Variants in ATRNL1 observed in about 807,000 individuals in gnomAD.
ATRNL1 encodes the protein attractin like 1.
A neutral mutation model predicts 182.7 loss-of-function variants in ATRNL1; 95 were observed. That is an observed-to-expected ratio of 0.52 (90% confidence interval 0.44 to 0.62). ATRNL1 has a LOEUF of 0.62. Ranked by LOEUF, ATRNL1 falls within the 20% of genes least tolerant of loss-of-function variation. ATRNL1 has a pLI of 0.00. For missense variants in ATRNL1, 1,471 were observed against 1,679.5 expected, an observed-to-expected ratio of 0.88 and a Z score of 2.17; for synonymous variants, 576 against 568.3, an observed-to-expected ratio of 1.01 and a Z score of -0.19.
intron 9 of ATRNL1, among the ~76,000 whole-genome samples, chr10:115,216,905 TGTA>T (rs1240063283): frequency 6.6e-6 from 1 of 151,966 alleles, no homozygotes; most frequent in Non-Finnish European, 1.5e-5. Flanking sequence ...TCTAATAAAA[TGTA>T]GTTTTATTCT....
intron 28 of ATRNL1, among the ~76,000 whole-genome samples, chr10:115,856,199 C>A (rs1390900739): frequency 2.0e-5 from 3 of 151,846 alleles, no homozygotes; most frequent in Admixed American, 6.6e-5. Context: ...GAGGCCGAGG[C>A]AGGTGGATCA....
intron 28 of ATRNL1, among the ~76,000 whole-genome samples, chr10:115,943,803 TAAAC>T (rs1953799857): frequency 6.6e-6 from 1 of 152,040 alleles, no homozygotes; most frequent in Non-Finnish European, 1.5e-5. Flanking sequence ...AGTGAATGCG[TAAAC>T]AAACTATGGC....
intron 19 of ATRNL1, among the ~76,000 whole-genome samples, chr10:115,366,089 C>T (rs1193899142): frequency 7.9e-5 from 12 of 151,772 alleles, no homozygotes; most frequent in Non-Finnish European, 1.6e-4. Context: ...CTTTCTGTCT[C>T]GTTGATCTGT....
chr10:115,308,956 T>C (rs2133996621), intron 17 of ATRNL1, among the ~76,000 whole-genome samples: 1 of 152,254 alleles, frequency 6.6e-6, no homozygotes, highest in East Asian at 1.9e-4. Context: ...TAGATTCAGT[T>C]TCATTCTTCT....
chr10:115,349,804 T>A (rs1466100888), intron 19 of ATRNL1, among the ~76,000 whole-genome samples: 2 of 152,176 alleles, frequency 1.3e-5, no homozygotes, highest in Non-Finnish European at 2.9e-5. Context: ...GTATTATTAT[T>A]ATTATTTTGC....
At chr10:115,757,889 T>C (rs1948632099) in intron 27 of ATRNL1, among the ~76,000 whole-genome samples, 1 of 151,820 alleles carries the variant, frequency 6.6e-6, no homozygotes, top group Admixed American at 6.6e-5. Context: ...AATCTTGTCT[T>C]CTTGCTTTAT....
intron 26 of ATRNL1, among the ~76,000 whole-genome samples, chr10:115,584,692 A>G (rs148106656): frequency 0.48 from 71,850 of 151,254 alleles, 18,527 homozygotes; most frequent in East Asian, 0.84. Flanking sequence ...GATCCTTTCA[A>G]AAAACCAGCT....
At chr10:115,794,439 C>T (rs1156594654) in intron 27 of ATRNL1, among the ~76,000 whole-genome samples, 3 of 152,164 alleles carry the variant, frequency 2.0e-5, no homozygotes, top group African/African-American at 7.2e-5. Flanking sequence ...TTTCCATTTA[C>T]AGCAAAATTA....
intron 26 of ATRNL1, among the ~76,000 whole-genome samples, chr10:115,601,838 C>T (rs1301044145): frequency 1.3e-5 from 2 of 152,100 alleles, no homozygotes; most frequent in Non-Finnish European, 1.5e-5. Context: ...TTTCTAATTG[C>T]AGTGTTTAGA....
chr10:115,916,119 G>C (rs1295907514), intron 28 of ATRNL1, among the ~76,000 whole-genome samples: 4 of 152,202 alleles, frequency 2.6e-5, no homozygotes, highest in Non-Finnish European at 5.9e-5. Flanking sequence ...TCACGAATTT[G>C]TCTAGAATGC....
At chr10:115,124,836 A>G (rs1554872892) in intron 3 of ATRNL1, among the ~76,000 whole-genome samples, 1 of 152,228 alleles carries the variant, frequency 6.6e-6, no homozygotes, top group Admixed American at 6.5e-5. Context: ...GACAAAAGCC[A>G]GCCAAATTCT....
intron 26 of ATRNL1, among the ~76,000 whole-genome samples, chr10:115,598,552 C>T (rs570793969): frequency 2.0e-5 from 3 of 151,346 alleles, no homozygotes; most frequent in South Asian, 2.1e-4. Flanking sequence ...TTAGTAGAGA[C>T]GGGGTTTCAC....
intron 26 of ATRNL1, among the ~76,000 whole-genome samples, chr10:115,595,725 T>C (rs1028765290): frequency 7.2e-5 from 11 of 152,170 alleles, no homozygotes; most frequent in African/African-American, 2.7e-4. Context: ...GTTTTTTATA[T>C]TTATGACTCA....
chr10:115,523,784 C>A (rs183768094), intron 25 of ATRNL1, among the ~76,000 whole-genome samples: 1 of 152,236 alleles, frequency 6.6e-6, no homozygotes, highest in African/African-American at 2.4e-5. Context: ...AACTTTCCCT[C>A]ATTTTTCTAT....
At chr10:115,342,626 C>T (rs1855804045) in intron 19 of ATRNL1, among the ~76,000 whole-genome samples, 1 of 152,094 alleles carries the variant, frequency 6.6e-6, no homozygotes. Context: ...ATTTTACTCA[C>T]CACAGTTACA....
At chr10:115,740,821 A>AAC (rs1314938267) in intron 27 of ATRNL1, among the ~76,000 whole-genome samples, 963 of 57,306 alleles carry the variant, frequency 0.017, 10 homozygotes, top group African/African-American at 0.039. Context: ...TATCTCTTTA[A>AAC]ACACACACAC....
intron 8 of ATRNL1, among the ~76,000 whole-genome samples, chr10:115,198,218 A>T (rs1166906011): frequency 1.3e-5 from 2 of 152,102 alleles, no homozygotes; most frequent in Non-Finnish European, 2.9e-5. Flanking sequence ...ACAGATGTGA[A>T]ATGATATATC....
At chr10:115,554,580 G>A (rs1232664591) in intron 26 of ATRNL1, among the ~76,000 whole-genome samples, 1 of 151,424 alleles carries the variant, frequency 6.6e-6, no homozygotes, top group Non-Finnish European at 1.5e-5. Flanking sequence ...CCCCATTATT[G>A]GGGAATTTGT....
At chr10:115,890,065 A>G (rs1555110751) in intron 28 of ATRNL1, among the ~76,000 whole-genome samples, 1 of 152,182 alleles carries the variant, frequency 6.6e-6, no homozygotes, top group East Asian at 1.9e-4. Context: ...ATATGTTTGC[A>G]CAGATAAGAC....
Sources: gnomAD v4.1 joint callset for allele counts (sites outside exome capture counted in the v4.1 genomes callset) on GRCh38, gnomAD v4.1.1 for gene constraint, MANE v1.5 for transcripts, NCBI Gene and HGNC (gene_info 2026-07-23, HGNC 2026-07-21) for gene names.